NPAS2: variants seen among roughly 807,000 people sequenced by gnomAD.
The protein encoded by NPAS2 is neuronal PAS domain-containing protein 2.
Under a neutral mutation model 107.5 loss-of-function variants are expected in NPAS2, and 23 were observed. The observed-to-expected ratio is 0.21, with a 90% CI of 0.15 to 0.30. The LOEUF (loss-of-function observed/expected upper bound fraction) is 0.30. NPAS2 is among the 10% of genes least tolerant of loss of function. The pLI is 1.00. For missense variants in NPAS2, 756 were observed against 1,043.3 expected, an observed-to-expected ratio of 0.72 and a Z score of 3.79; for synonymous variants, 403 against 417.5, an observed-to-expected ratio of 0.97 and a Z score of 0.42.
chr2:100,854,866 A>G (rs1678458064), intron 1 of NPAS2, among the ~76,000 whole-genome samples: 1 of 152,198 alleles, frequency 6.6e-6, no homozygotes, highest in African/African-American at 2.4e-5. Context: ...CAGTGTGGCT[A>G]TTGAGACGCT....
chr2:100,973,581 G>A (rs1373575293), intron 12 of NPAS2, among the ~76,000 whole-genome samples: 1 of 152,154 alleles, frequency 6.6e-6, no homozygotes, highest in East Asian at 1.9e-4. Context: ...AGGCCTGTAG[G>A]TCACATGTCA....
chr2:100,889,443 T>C lies in NPAS2; in HGVS notation c.-22-15290T>C, dbSNP rs142756953. On this transcript the variant is annotated intron_variant, in intron 1 of 20. Transcript: ENST00000335681. ...GAGACATGCCCTTTGCCGTGTGACATTCGAGGAGACGACCAGTTTTTTTCC... is the reference window on the plus strand; with the variant it reads ...GAGACATGCCCTTTGCCGTGTGACACTCGAGGAGACGACCAGTTTTTTTCC... Among the ~76,000 whole-genome samples, 13 of 152,316 alleles carry C rather than the reference T, an allele frequency of 8.5e-5. No homozygotes were observed. The East Asian group carries it at 2.5e-3, about 29-fold the overall frequency.
At chr2:100,877,187 T>G (rs1040581779) in intron 1 of NPAS2, among the ~76,000 whole-genome samples, 15 of 152,120 alleles carry the variant, frequency 9.9e-5, no homozygotes, top group African/African-American at 3.4e-4. Flanking sequence ...TGAAATAGGC[T>G]GGGCGCAGTG....
At chr2:100,851,143 GC>G (rs1678150954) in intron 1 of NPAS2, among the ~76,000 whole-genome samples, 1 of 152,002 alleles carries the variant, frequency 6.6e-6, no homozygotes, top group Non-Finnish European at 1.5e-5. Flanking sequence ...AGTTGCGGGG[GC>G]TGGAGAGAGG....
Position 100,943,290 on chromosome 2 carries a change from A to G in NPAS2, c.364-4945A>G, listed in dbSNP as rs143794693. Among the ~76,000 whole-genome samples the G allele has an allele frequency of 4.5e-3, 679 of 152,336 alleles. 1 individual carries two copies. Among genetic ancestry groups the G allele is most frequent in the South Asian group, 7.5e-3 (36 of 4,824 alleles). ...GTACTTTGCTTTTCTCTCGATTACC[A>G]ATGAGATTGAGTGTCTCTTTATATG... On this transcript the variant is annotated intron_variant, in intron 5 of 20. Coordinates refer to ENST00000335681, the MANE Select transcript of NPAS2 (RefSeq NM_002518.4).
At chr2:100,842,153 A>G (rs1677477450) in intron 1 of NPAS2, among the ~76,000 whole-genome samples, 1 of 152,044 alleles carries the variant, frequency 6.6e-6, no homozygotes, top group Non-Finnish European at 1.5e-5. Flanking sequence ...CTGTCTTCCT[A>G]GGTATTTACA....
chr2:100,934,620 C>T (rs1684184833), intron 4 of NPAS2, among the ~76,000 whole-genome samples: 1 of 152,194 alleles, frequency 6.6e-6, no homozygotes, highest in African/African-American at 2.4e-5. Flanking sequence ...CTGGAAAGTC[C>T]ACCAACTAGT....
chr2:100,885,167 G>A (rs1232574278), intron 1 of NPAS2, among the ~76,000 whole-genome samples: 2 of 152,068 alleles, frequency 1.3e-5, no homozygotes, highest in African/African-American at 4.8e-5. Context: ...AGCCAGGATG[G>A]TCTCTGTCTC....
At chr2:100,977,835 A>G (rs2105252412) in intron 15 of NPAS2, 36 bp downstream of exon 15, 7 of 1,565,512 alleles carry the variant, frequency 4.5e-6, no homozygotes, top group African/African-American at 2.7e-5. Flanking sequence ...AGCCCCTCTC[A>G]AGCCAGAAGT....
chr2:100,858,416 ACT>A (rs1417614480), intron 1 of NPAS2, among the ~76,000 whole-genome samples: 10 of 152,136 alleles, frequency 6.6e-5, no homozygotes, highest in Non-Finnish European at 1.5e-4. Context: ...TCCAGCGTGC[ACT>A]CTCACTTCTA....
At chr2:100,830,524 C>T (rs1676667806) in intron 1 of NPAS2, among the ~76,000 whole-genome samples, 2 of 150,426 alleles carry the variant, frequency 1.3e-5, no homozygotes, top group Non-Finnish European at 3.0e-5. Flanking sequence ...CCCTGTGTCC[C>T]AAGTGTTCTC....
intron 1 of NPAS2, among the ~76,000 whole-genome samples, chr2:100,852,614 A>G (rs1678272966): frequency 6.6e-6 from 1 of 152,052 alleles, no homozygotes; most frequent in Admixed American, 6.6e-5. Context: ...GCTAGAGTGG[A>G]AAGAAGGGAG....
At chr2:100,879,648 A>G (rs2104623973) in intron 1 of NPAS2, among the ~76,000 whole-genome samples, 1 of 152,192 alleles carries the variant, frequency 6.6e-6, no homozygotes, top group Admixed American at 6.5e-5. Context: ...AGGCCCGACC[A>G]TGTTGTGGGA....
chr2:100,898,450 C>T (rs184429160), intron 1 of NPAS2, among the ~76,000 whole-genome samples: 91 of 152,234 alleles, frequency 6.0e-4, no homozygotes, highest in African/African-American at 2.0e-3. Context: ...ATAAGAACAA[C>T]GTTGGAAGGC....
Position 100,928,456 on chromosome 2 carries a change from G to A in NPAS2, c.181+3162G>A, listed in dbSNP as rs531485247. ...GTTCATCAGCCTGACATTTATGCCGGGCTCTGTCCACTGTGGAATTACAGA... is the reference window on the plus strand; with the variant it reads ...GTTCATCAGCCTGACATTTATGCCGAGCTCTGTCCACTGTGGAATTACAGA... On this transcript the variant is annotated intron_variant, in intron 3 of 20. Coordinates refer to ENST00000335681, the MANE Select transcript of NPAS2 (RefSeq NM_002518.4). Among the ~76,000 whole-genome samples, 50 of 151,136 alleles carry A rather than the reference G, an allele frequency of 3.3e-4. 1 individual carries two copies. Among genetic ancestry groups the A allele is most frequent in the South Asian group, 1.3e-3 (6 of 4,778 alleles).
At chr2:100,852,058 A>C (rs886542493) in intron 1 of NPAS2, among the ~76,000 whole-genome samples, 2 of 152,178 alleles carry the variant, frequency 1.3e-5, no homozygotes, top group Non-Finnish European at 2.9e-5. Context: ...GAACAGGAAA[A>C]AGTGAGGTTC....
At chr2:100,893,090 C>A (rs1681181648) in intron 1 of NPAS2, among the ~76,000 whole-genome samples, 1 of 152,182 alleles carries the variant, frequency 6.6e-6, no homozygotes, top group African/African-American at 2.4e-5. Flanking sequence ...GGAAGAATCA[C>A]AATATGGAAG....
intron 1 of NPAS2, chr2:100,878,638 CTT>C (rs1000755208): frequency 7.1e-6 from 7 of 985,158 alleles, no homozygotes; most frequent in Non-Finnish European, 8.4e-6. Flanking sequence ...ATCAAGGTAA[CTT>C]TGCGGTTTTG....
chr2:100,827,149 C>T (rs147888780), intron 1 of NPAS2, among the ~76,000 whole-genome samples: 10 of 152,008 alleles, frequency 6.6e-5, no homozygotes, highest in Admixed American at 4.6e-4. Flanking sequence ...GGAGACACAC[C>T]CCTCCAGTGA....
Sources: allele counts gnomAD v4.1 joint callset (sites outside exome capture counted in the v4.1 genomes callset), GRCh38; gene constraint gnomAD v4.1.1; transcripts MANE v1.5; gene names NCBI Gene and HGNC (gene_info 2026-07-23, HGNC 2026-07-21).